Variants in HNF4A observed in about 807,000 individuals in gnomAD.
HNF4A encodes the protein hepatocyte nuclear factor 4 alpha.
In HNF4A, 15 loss-of-function variants were observed where a neutral mutation model predicts 52.4. That is an observed-to-expected ratio of 0.29 (90% confidence interval 0.19 to 0.44). The LOEUF is 0.44. Ranked by LOEUF, HNF4A falls within the 20% of genes least tolerant of loss-of-function variation. The pLI is 1.00. For synonymous variants in HNF4A, 280 were observed against 264.4 expected (o/e 1.06, Z -0.57); for missense variants, 479 against 647.2 (o/e 0.74, Z 2.82).
chr20:44,422,825 T>C (rs1466672073), intron 7 of HNF4A, among the ~76,000 whole-genome samples: 2 of 151,656 alleles, frequency 1.3e-5, no homozygotes, highest in African/African-American at 4.8e-5. Flanking sequence ...ATTACAGGCA[T>C]GTGTCACCAC....
At chr20:44,369,975 G>T (rs964195858) in intron 1 of HNF4A, among the ~76,000 whole-genome samples, 1 of 151,936 alleles carries the variant, frequency 6.6e-6, no homozygotes, top group Non-Finnish European at 1.5e-5. Context: ...ATGGTCTCTC[G>T]TCTTTCTCCC....
intron 1 of HNF4A, among the ~76,000 whole-genome samples, chr20:44,404,951 CTG>C (rs1358649563): frequency 6.6e-4 from 6 of 9,098 alleles, no homozygotes; most frequent in Non-Finnish European, 9.6e-4. Flanking sequence ...TGTGTGGGAA[CTG>C]TGTGGTGTGT....
rs963259715 is a variant in HNF4A, at chr20:44,406,952, G to A, written c.291-429G>A. Among the ~76,000 whole-genome samples, 18 of 152,274 alleles carry A rather than the reference G, an allele frequency of 1.2e-4. No homozygotes were observed. The East Asian group carries it at 1.7e-3, about 15-fold the overall frequency. On this transcript the variant is annotated intron_variant, in intron 2 of 9. Transcript: ENST00000316099. The stretch of plus-strand genomic sequence containing the variant: ...CATTCAGGGCCCCACCCATCACCAC[G>A]GTGTGGCACTGCCTCTACTTCCTAT...
chr20:44,424,344 G>T, intron 8 of HNF4A, 90 bp downstream of exon 8: 1 of 1,570,792 alleles, frequency 6.4e-7, no homozygotes. Flanking sequence ...CAGCTCCTTG[G>T]CTTCCCCACT....
chr20:44,420,328 A>G (rs2063727192), intron 7 of HNF4A, among the ~76,000 whole-genome samples: 2 of 151,986 alleles, frequency 1.3e-5, no homozygotes, highest in Non-Finnish European at 2.9e-5. Flanking sequence ...TCTCAAAAAA[A>G]CAAAAACAAA....
At chr20:44,402,545 T>C (rs1228101717) in intron 1 of HNF4A, 28 of 1,362,998 alleles carry the variant, frequency 2.1e-5, no homozygotes, top group Non-Finnish European at 2.5e-5. Flanking sequence ...TCCGTTTGTC[T>C]CTGAGCAGAT....
At chr20:44,384,922 T>TC (rs920328908) in intron 1 of HNF4A, among the ~76,000 whole-genome samples, 2 of 151,504 alleles carry the variant, frequency 1.3e-5, no homozygotes, top group African/African-American at 4.9e-5. Context: ...AGTGTGATGA[T>TC]CCCCCAGAAA....
chr20:44,396,395 C>T (rs1449712625), upstream of HNF4A, among the ~76,000 whole-genome samples: 1 of 152,094 alleles, frequency 6.6e-6, no homozygotes, highest in Non-Finnish European at 1.5e-5. Context: ...CCCTTACCAC[C>T]GTCCACAGCA....
Position 44,429,512 on chromosome 20 carries a change from T to G in HNF4A, c.1283-11T>G, listed in dbSNP as rs767430842. The G allele has an allele frequency of 1.2e-6, 2 of 1,614,098 alleles. No individual in the cohort carries two copies. The highest frequency in any genetic ancestry group is 2.2e-5 in the East Asian group (1 of 44,866). Reference sequence around the variant, plus strand: ...TTTGAGCAGCCCCTGTCTGTCTGTTTGTCCTTCCAGCCACCCCTGAGACCC... The same window carrying G: ...TTTGAGCAGCCCCTGTCTGTCTGTTGGTCCTTCCAGCCACCCCTGAGACCC... On this transcript the variant is annotated splice_polypyrimidine_tract_variant and intron_variant, in intron 9 of 9. Coordinates refer to ENST00000316099, the MANE Select transcript of HNF4A (RefSeq NM_000457.6).
chr20:44,380,922 C>T (rs1453000681), intron 1 of HNF4A, among the ~76,000 whole-genome samples: 7 of 152,084 alleles, frequency 4.6e-5, no homozygotes, highest in African/African-American at 1.4e-4. Context: ...AGTTAATTTT[C>T]GTATATGGTG....
At chr20:44,412,296 G>A (rs2063595777) in intron 3 of HNF4A, among the ~76,000 whole-genome samples, 1 of 152,146 alleles carries the variant, frequency 6.6e-6, no homozygotes, top group Admixed American at 6.6e-5. Context: ...AATAAAGCAT[G>A]GGGGGCAGGG....
chr20:44,399,866 A>G (rs1353667042), upstream of HNF4A, among the ~76,000 whole-genome samples: 1 of 151,712 alleles, frequency 6.6e-6, no homozygotes, highest in Admixed American at 6.6e-5. Flanking sequence ...TAATTCGCCC[A>G]CTCTTGCTCA....
In HNF4A at chr20:44,431,596, A is replaced by G. The variant is rs2063878514; in HGVS notation, c.*1931A>G. 1 of 151,086 alleles carries G rather than the reference A, an allele frequency of 6.6e-6. No individual in the cohort carries two copies. The highest frequency in any genetic ancestry group is 2.1e-4 in the South Asian group (1 of 4,738). 9.4% of individuals were successfully genotyped at this position (151,086 alleles called of 1,614,324 possible). On this transcript the variant is annotated 3_prime_UTR_variant, in exon 10 of 10. Transcript: ENST00000316099. The stretch of plus-strand genomic sequence containing the variant: ...TCCAGGTGCATTCTGGAAGCATTAG[A>G]CCCCAGGATGGAGCGACCAGCATGT...
chr20:44,402,346 C>A (rs1034458003), intron 1 of HNF4A, among the ~76,000 whole-genome samples: 1 of 152,110 alleles, frequency 6.6e-6, no homozygotes, highest in Non-Finnish European at 1.5e-5. Flanking sequence ...TTGGAGTGCC[C>A]TGTTCTTCCT....
chr20:44,364,613 G>A (rs2062952469), intron 1 of HNF4A, among the ~76,000 whole-genome samples: 1 of 151,964 alleles, frequency 6.6e-6, no homozygotes, highest in African/African-American at 2.4e-5. Flanking sequence ...GGGATTACAG[G>A]TGCCCACCAC....
At chr20:44,373,449 C>G (rs1246330339) in intron 1 of HNF4A, among the ~76,000 whole-genome samples, 1 of 152,158 alleles carries the variant, frequency 6.6e-6, no homozygotes, top group Non-Finnish European at 1.5e-5. Flanking sequence ...ACTGGGATTA[C>G]AGGTGTTAGC....
chr20:44,375,839 G>GACATTGACACCTATGCAAGT (rs1391641661), intron 1 of HNF4A, among the ~76,000 whole-genome samples: 1 of 152,086 alleles, frequency 6.6e-6, no homozygotes, highest in African/African-American at 2.4e-5. Flanking sequence ...AGTGTATAGG[G>GACATTGACACCTATGCAAGT]CCCTGAATTA....
At chr20:44,416,985 T>C (rs1425121253) in intron 5 of HNF4A, among the ~76,000 whole-genome samples, 1 of 152,166 alleles carries the variant, frequency 6.6e-6, no homozygotes, top group Non-Finnish European at 1.5e-5. Flanking sequence ...TTATTTGTTC[T>C]CTACTATCTG....
At chr20:44,403,489 C>T (rs573575009) in intron 1 of HNF4A, among the ~76,000 whole-genome samples, 9 of 152,368 alleles carry the variant, frequency 5.9e-5, no homozygotes, top group African/African-American at 2.2e-4. Flanking sequence ...GCAGGGTCCC[C>T]ACATTCCTCA....
Sources: allele counts gnomAD v4.1 joint callset (sites outside exome capture counted in the v4.1 genomes callset), GRCh38; gene constraint gnomAD v4.1.1; transcripts MANE v1.5; gene names NCBI Gene and HGNC (gene_info 2026-07-23, HGNC 2026-07-21).